The following SPECC1L variants were observed in gnomAD, a reference collection of about 807,000 sequenced individuals.
The protein encoded by SPECC1L is sperm antigen with calponin homology and coiled-coil domains 1 like, also known as cytospin-A.
A neutral mutation model predicts 116.8 loss-of-function variants in SPECC1L; 40 were observed. The ratio of observed to expected loss-of-function variants is 0.34; its 90% CI spans 0.27 to 0.45. SPECC1L has a LOEUF of 0.45. SPECC1L is among the 20% of genes least tolerant of loss of function. The pLI is 1.00. For synonymous variants in SPECC1L, 504 were observed against 500.6 expected, an observed-to-expected ratio of 1.01 and a Z score of -0.09; for missense variants, 1,110 against 1,373.6, an observed-to-expected ratio of 0.81 and a Z score of 3.03.
chr22:24,327,296 A>AAC (rs1364930751), intron 6 of SPECC1L, among the ~76,000 whole-genome samples: 1 of 149,958 alleles, frequency 6.7e-6, no homozygotes, highest in African/African-American at 2.4e-5. Flanking sequence ...AAAAAAAAAA[A>AAC]AAAAAACATC....
chr22:24,327,356 T>C (rs1427038556), intron 6 of SPECC1L, among the ~76,000 whole-genome samples: 2 of 150,452 alleles, frequency 1.3e-5, no homozygotes, highest in East Asian at 3.9e-4. Context: ...GCAAAAAAAT[T>C]TTAGAAGAGA....
intron 14 of SPECC1L, among the ~76,000 whole-genome samples, chr22:24,409,838 G>A (rs1033413367): frequency 8.5e-5 from 13 of 152,080 alleles, no homozygotes; most frequent in Non-Finnish European, 1.5e-4. Context: ...CAGCCTGGGC[G>A]ACATAGCGAA....
intron 11 of SPECC1L, among the ~76,000 whole-genome samples, chr22:24,354,794 T>G (rs1023686951): frequency 2.0e-5 from 3 of 151,806 alleles, no homozygotes; most frequent in Admixed American, 6.6e-5. Flanking sequence ...CTTAAGTAGC[T>G]GGGATTACAG....
At chr22:24,401,391 A>T (rs1351775926) in intron 14 of SPECC1L, among the ~76,000 whole-genome samples, 1 of 152,174 alleles carries the variant, frequency 6.6e-6, no homozygotes, top group Non-Finnish European at 1.5e-5. Context: ...TTTGGCAGAA[A>T]CATCTCAGCT....
chr22:24,359,560 C>T (rs557937770), intron 11 of SPECC1L, among the ~76,000 whole-genome samples: 1 of 152,206 alleles, frequency 6.6e-6, no homozygotes, highest in Non-Finnish European at 1.5e-5. Context: ...GAATCTGTGT[C>T]CCTCACATTG....
intron 3 of SPECC1L, 46 bp from the exon 4 acceptor site, chr22:24,313,267 T>C: frequency 6.2e-7 from 1 of 1,604,586 alleles, no homozygotes; most frequent in Non-Finnish European, 8.5e-7. Context: ...AAATATCTAA[T>C]CTTGCTTGAT....
rs966802744 is a variant in SPECC1L at position 24,412,552 on chromosome 22, C to T, written c.3205-96C>T. ...TGTGGCACCAGGTAGAGGTGAGTGT[C>T]GTCCTTCAGATGCATCTGTCCCAGG... On this transcript the variant is annotated intron_variant, in intron 15 of 16. Transcript: ENST00000314328. 1.3e-5 allele frequency: 14 copies of T among 1,115,290 alleles called. No homozygotes were observed. In the African/African-American group the frequency reaches 1.5e-4, roughly 12 times the overall value. The allele number at this position is 1,115,290 out of a possible 1,614,324, so 69.1% of individuals were successfully genotyped here. A position where few individuals can be genotyped will look rare whatever the true frequency, so the allele number is the denominator to read the frequency against.
intron 10 of SPECC1L, among the ~76,000 whole-genome samples, chr22:24,346,553 T>TA (rs2041300065): frequency 6.6e-6 from 1 of 152,216 alleles, no homozygotes; most frequent in Non-Finnish European, 1.5e-5. Flanking sequence ...TGTGATACTT[T>TA]AAAGATTCTC....
chr22:24,329,753 TGA>T (rs2040902147), intron 7 of SPECC1L, among the ~76,000 whole-genome samples: 1 of 152,198 alleles, frequency 6.6e-6, no homozygotes, highest in Non-Finnish European at 1.5e-5. Context: ...CTGCCTATAT[TGA>T]GTTTAGTGTT....
intron 14 of SPECC1L, among the ~76,000 whole-genome samples, chr22:24,385,327 A>G (rs1462795300): frequency 6.6e-6 from 1 of 152,176 alleles, no homozygotes; most frequent in Non-Finnish European, 1.5e-5. Context: ...GGAACAAAGA[A>G]CTAAAGGTAT....
Position 24,313,367 on chromosome 22 carries a change from A to G in SPECC1L, c.208A>G (p.Asn70Asp). 1 of 1,614,160 alleles carries G rather than the reference A, an allele frequency of 6.2e-7. No homozygotes were observed. The highest frequency in any genetic ancestry group is 8.5e-7 in the Non-Finnish European group (1 of 1,180,016). The change falls in exon 4 of 17, where the codon AAT (asparagine) becomes GAT (aspartate). Residue 70 changes from asparagine to aspartate, a missense_variant. Around this residue, in one of 4 missense-constraint regions of SPECC1L, gnomAD observed 437 missense variants for 482.6 expected, o/e 0.91. Transcript: ENST00000314328. ...AATGGCCGGAGGGGTAACGGTGACT[A>G]ATGGTGTTAAAGGAAAGAAAAGCAC... The part of the protein sequence containing the change: ...AGMAGGVTVT[N>D]GVKGKKSTCP...
In SPECC1L at chr22:24,412,635, G is replaced by A; in HGVS notation, c.3205-13G>A. 1 of 1,614,154 alleles carries A rather than the reference G, an allele frequency of 6.2e-7. No homozygotes were observed. The highest frequency in any genetic ancestry group is 8.5e-7 in the Non-Finnish European group (1 of 1,180,014). On this transcript the variant is annotated splice_polypyrimidine_tract_variant and intron_variant, in intron 15 of 16. Transcript: ENST00000314328. ...CTTGTTCATGCACTGCAGTGACACA[G>A]TTTCTTTTACAGAGAAGGAACTTCA...
chr22:24,386,583 AATT>A (rs1476998497), intron 14 of SPECC1L, among the ~76,000 whole-genome samples: 1 of 151,548 alleles, frequency 6.6e-6, no homozygotes. Flanking sequence ...TTCAGGATCT[AATT>A]ATTATTATTG....
chr22:24,282,413 C>G (rs1191228756), intron 2 of SPECC1L, among the ~76,000 whole-genome samples: 1 of 152,126 alleles, frequency 6.6e-6, no homozygotes, highest in Admixed American at 6.5e-5. Flanking sequence ...CAGTCTACAC[C>G]CAGGAATGAG....
intron 2 of SPECC1L, among the ~76,000 whole-genome samples, chr22:24,292,044 T>C (rs532871552): frequency 6.6e-5 from 10 of 152,308 alleles, no homozygotes; most frequent in African/African-American, 2.2e-4. Context: ...ATCAAGATCC[T>C]GGTGTAACTA....
At chr22:24,281,006 C>T (rs541325333) in intron 2 of SPECC1L, among the ~76,000 whole-genome samples, 1 of 152,216 alleles carries the variant, frequency 6.6e-6, no homozygotes, top group African/African-American at 2.4e-5. Flanking sequence ...TTTGTTTACC[C>T]CTGTTACAGA....
intron 2 of SPECC1L, among the ~76,000 whole-genome samples, chr22:24,284,025 T>A (rs1223274897): frequency 6.6e-6 from 1 of 152,202 alleles, no homozygotes; most frequent in African/African-American, 2.4e-5. Context: ...GTTTTCTTGA[T>A]CCTCTCAACC....
At chr22:24,399,695 G>A (rs575127919) in intron 14 of SPECC1L, among the ~76,000 whole-genome samples, 3 of 152,260 alleles carry the variant, frequency 2.0e-5, no homozygotes, top group Admixed American at 6.5e-5. Context: ...TGAGCATATG[G>A]GGCAACGTAG....
chr22:24,277,161 C>G (rs2048852786), intron 2 of SPECC1L, among the ~76,000 whole-genome samples: 1 of 152,168 alleles, frequency 6.6e-6, no homozygotes, highest in Non-Finnish European at 1.5e-5. Flanking sequence ...TTTCTTTGTA[C>G]ACTTCGTCTT....
Sources: allele counts gnomAD v4.1 joint callset (sites outside exome capture counted in the v4.1 genomes callset), GRCh38; gene constraint gnomAD v4.1.1; regional missense constraint gnomAD v4.1.1; transcripts MANE v1.5; gene names NCBI Gene and HGNC (gene_info 2026-07-23, HGNC 2026-07-21).